AK7: variants seen among roughly 807,000 people sequenced by gnomAD.
AK7 encodes the protein adenylate kinase 7.
A neutral mutation model predicts 96.6 loss-of-function variants in AK7; 78 were observed. That is an observed-to-expected ratio of 0.81 (90% CI 0.67 to 0.97). The LOEUF (loss-of-function observed/expected upper bound fraction) is 0.97, where lower values mean the gene tolerates loss of function less well. Among genes scored for constraint, AK7 ranks in the 50% least tolerant of loss-of-function variants. The probability of loss-of-function intolerance (pLI) is 0.00; values close to 1 mark genes in which losing one functional copy is unlikely to be tolerated. For synonymous variants in AK7, 302 were observed against 317.2 expected (o/e 0.95, Z 0.51); for missense variants, 855 against 887.9 (o/e 0.96, Z 0.47).
chr14:96,430,101 G>C (rs1443527338), intron 5 of AK7, among the ~76,000 whole-genome samples: 1 of 151,616 alleles, frequency 6.6e-6, no homozygotes, highest in Non-Finnish European at 1.5e-5. Flanking sequence ...CTGTGGGTTT[G>C]TCATAAATAG....
Position 96,440,712 on chromosome 14 carries a change from A to T in AK7, c.691-2018A>T, listed in dbSNP as rs144229342. On this transcript the variant is annotated intron_variant, in intron 6 of 17. Coordinates refer to ENST00000267584, the MANE Select transcript of AK7 (RefSeq NM_152327.5). The stretch of plus-strand genomic sequence containing the variant: ...TACTGCAAACCAAAAAGTTTCTGAG[A>T]CAGGTCTCAATCAATTTAGAAGTTT... Among the ~76,000 whole-genome samples, 509 of 152,352 alleles carry T rather than the reference A, an allele frequency of 3.3e-3. 2 individuals carry two copies. The highest frequency in any genetic ancestry group is 4.9e-3 in the Non-Finnish European group (334 of 68,022).
At chr14:96,478,700 A>C (rs201196595) in intron 15 of AK7, 38 bp downstream of exon 15, 5 of 1,598,946 alleles carry the variant, frequency 3.1e-6, no homozygotes, top group South Asian at 1.1e-5. Context: ...AATGTCCAGG[A>C]CCCCCAGCAA....
chr14:96,411,427 C>T (rs1485333049), intron 4 of AK7, among the ~76,000 whole-genome samples: 1 of 151,922 alleles, frequency 6.6e-6, no homozygotes, highest in Admixed American at 6.6e-5. Flanking sequence ...GGGAGAATTG[C>T]TTGAACCTTG....
rs1595425093 is a variant in AK7, at chr14:96,446,715, T to G, written c.870+108T>G. ...TAGCATTTTGGGAGTCCGAGGCGGG[T>G]GGATCACCTGAGGTCAGGAGCTCAA... is the stretch of plus-strand genomic sequence containing the variant. On this transcript the variant is annotated intron_variant, in intron 8 of 17. Transcript: ENST00000267584. 6.9e-6 allele frequency: 6 copies of G among 869,744 alleles called. No individual in the cohort carries two copies. In the Admixed American group the frequency reaches 1.2e-4, roughly 18 times the overall value. The allele number at this position is 869,744 out of a possible 1,614,324, so 53.9% of individuals were successfully genotyped here.
chr14:96,471,245 T>C (rs1249500274), intron 12 of AK7, among the ~76,000 whole-genome samples: 6 of 150,522 alleles, frequency 4.0e-5, no homozygotes, highest in African/African-American at 1.2e-4. Flanking sequence ...GGTGGGAAGA[T>C]TGCAGAGCCT....
chr14:96,487,157 T>C, intron 17 of AK7, 101 bp downstream of exon 17: 1 of 1,269,604 alleles, frequency 7.9e-7, no homozygotes, highest in Non-Finnish European at 1.1e-6. Flanking sequence ...AGGGGATCAC[T>C]TGTGGTCAGG....
At chr14:96,483,846 A>AC (rs1328330162) in intron 16 of AK7, among the ~76,000 whole-genome samples, 7 of 151,922 alleles carry the variant, frequency 4.6e-5, no homozygotes, top group Admixed American at 3.3e-4. Context: ...TCCTCCATTT[A>AC]CCCATCTAAC....
chr14:96,403,020 C>T (rs1312845258), intron 2 of AK7, among the ~76,000 whole-genome samples: 1 of 151,744 alleles, frequency 6.6e-6, no homozygotes, highest in East Asian at 1.9e-4. Flanking sequence ...GAGGCTGAGG[C>T]AGGGAGAATT....
Position 96,446,600 on chromosome 14 carries a change from T to C in AK7, c.863T>C (p.Ile288Thr), listed in dbSNP as rs142394287. ...GAGTCTGTTCATACCCTGGAAGACA[T>C]AGTCAAGGTACAGTGGTTTCATCCC... is the stretch of plus-strand genomic sequence containing the variant. ...VDESVHTLED[I>T]VKCISKNTGP... is the part of the protein sequence containing the mutation. The change falls in exon 8 of 18, where the codon ATA becomes ACA. Residue 288 changes from isoleucine to threonine, a missense_variant. Physicochemically the swap from Ile to Thr is moderately conservative, Grantham distance 89 (BLOSUM62 -1). Transcript: ENST00000267584. 19 of 1,613,684 alleles carry C rather than the reference T, an allele frequency of 1.2e-5. No individual in the cohort carries two copies. The African/African-American group carries it at 2.5e-4, about 22-fold the overall frequency.
chr14:96,468,703 T>C (rs1391212735), intron 12 of AK7, among the ~76,000 whole-genome samples: 3 of 152,168 alleles, frequency 2.0e-5, no homozygotes, highest in Non-Finnish European at 4.4e-5. Flanking sequence ...TCATCTCAAA[T>C]GCCGTCCCTC....
At chr14:96,440,402 C>T (rs1892900380) in intron 6 of AK7, among the ~76,000 whole-genome samples, 5 of 152,158 alleles carry the variant, frequency 3.3e-5, no homozygotes, top group East Asian at 1.9e-4. Context: ...TCGCAGGCCT[C>T]GGCCCTAGAC....
At chr14:96,439,745 C>G (rs1892856082) in intron 6 of AK7, among the ~76,000 whole-genome samples, 1 of 151,674 alleles carries the variant, frequency 6.6e-6, no homozygotes, top group Admixed American at 6.6e-5. Context: ...AAGATGAAAC[C>G]TACAAATTGA....
intron 2 of AK7, among the ~76,000 whole-genome samples, chr14:96,403,239 T>C (rs1193999588): frequency 6.6e-6 from 1 of 151,834 alleles, no homozygotes; most frequent in African/African-American, 2.4e-5. Context: ...GGCACACAGG[T>C]AGAACATCAT....
chr14:96,475,528 G>A (rs1008327282), intron 14 of AK7, among the ~76,000 whole-genome samples: 3 of 152,198 alleles, frequency 2.0e-5, no homozygotes, highest in Non-Finnish European at 2.9e-5. Context: ...TAGGGCAAGG[G>A]AAATACTGGC....
chr14:96,460,459 C>A (rs747644337), intron 12 of AK7, among the ~76,000 whole-genome samples: 2 of 152,140 alleles, frequency 1.3e-5, no homozygotes, highest in African/African-American at 4.8e-5. Context: ...GTGGCCAACT[C>A]GGATGTAAGT....
intron 13 of AK7, among the ~76,000 whole-genome samples, chr14:96,472,419 T>A (rs1894948007): frequency 6.6e-6 from 1 of 152,214 alleles, no homozygotes; most frequent in African/African-American, 2.4e-5. Flanking sequence ...CCTCCCAAAT[T>A]GTTGGGATTA....
intron 5 of AK7, among the ~76,000 whole-genome samples, chr14:96,432,579 G>A (rs922185616): frequency 1.3e-5 from 2 of 152,074 alleles, no homozygotes; most frequent in Non-Finnish European, 2.9e-5. Flanking sequence ...GGCAGGCCTG[G>A]TGGTGACAAA....
intron 14 of AK7, among the ~76,000 whole-genome samples, chr14:96,475,978 TAA>T (rs36080864): frequency 2.4e-5 from 1 of 42,312 alleles, no homozygotes; most frequent in Admixed American, 3.1e-4. Context: ...CCCTGTCTCT[TAA>T]AAAAAAAAAG....
intron 4 of AK7, among the ~76,000 whole-genome samples, chr14:96,419,789 C>CTT (rs5810772): frequency 1.5e-5 from 2 of 134,106 alleles, no homozygotes; most frequent in Non-Finnish European, 3.1e-5. Context: ...TCTTTCTTTT[C>CTT]TTTTTTTTTT....
Sources: allele counts gnomAD v4.1 joint callset (sites outside exome capture counted in the v4.1 genomes callset), GRCh38; gene constraint gnomAD v4.1.1; transcripts MANE v1.5; gene names NCBI Gene and HGNC (gene_info 2026-07-23, HGNC 2026-07-21).